The following GPR158 variants were observed in gnomAD, a reference collection of about 807,000 sequenced individuals.
GPR158 encodes the protein G protein-coupled receptor 158, also known as metabotropic glycine receptor.
In GPR158, 30 loss-of-function variants were observed where a neutral mutation model predicts 78.2. The observed-to-expected ratio is 0.38, with a 90% confidence interval of 0.29 to 0.52. GPR158 has a LOEUF of 0.52. Ranked by LOEUF, GPR158 falls within the 20% of genes least tolerant of loss-of-function variation. The pLI is 0.83. For synonymous variants in GPR158, 581 were observed against 591.1 expected, an observed-to-expected ratio of 0.98 and a Z score of 0.25; for missense variants, 1,463 against 1,523.5, an observed-to-expected ratio of 0.96 and a Z score of 0.66.
intron 2 of GPR158, among the ~76,000 whole-genome samples, chr10:25,318,024 A>C (rs999055482): frequency 6.6e-6 from 1 of 152,140 alleles, no homozygotes; most frequent in East Asian, 1.9e-4. Flanking sequence ...TGCCTGGCCC[A>C]TAAAGTACTT....
intron 2 of GPR158, among the ~76,000 whole-genome samples, chr10:25,274,077 T>G (rs551171377): frequency 1.6e-4 from 24 of 152,332 alleles, no homozygotes; most frequent in Admixed American, 8.5e-4. Flanking sequence ...GATTGTCCTT[T>G]TGCAATTGGG....
At chr10:25,579,497 A>C (rs896286298) in intron 7 of GPR158, among the ~76,000 whole-genome samples, 10 of 152,228 alleles carry the variant, frequency 6.6e-5, no homozygotes, top group African/African-American at 2.4e-4. Flanking sequence ...ATCCGTTGAC[A>C]TATGTAGTTG....
chr10:25,204,762 T>A (rs927570813), intron 1 of GPR158, among the ~76,000 whole-genome samples: 1 of 151,346 alleles, frequency 6.6e-6, no homozygotes, highest in Admixed American at 6.6e-5. Flanking sequence ...ATCCATTTTT[T>A]AAAAAATAAG....
intron 4 of GPR158, among the ~76,000 whole-genome samples, chr10:25,440,254 G>A (rs912870059): frequency 2.6e-5 from 4 of 152,190 alleles, no homozygotes; most frequent in Admixed American, 2.6e-4. Flanking sequence ...AGGGGCCTGG[G>A]CCACTGACTT....
At chr10:25,220,662 G>A (rs1853287470) in intron 1 of GPR158, among the ~76,000 whole-genome samples, 1 of 152,194 alleles carries the variant, frequency 6.6e-6, no homozygotes. Flanking sequence ...GAAGTAGAAA[G>A]AAATGAACTG....
chr10:25,570,018 A>T (rs1355182401), intron 6 of GPR158, among the ~76,000 whole-genome samples: 2 of 152,204 alleles, frequency 1.3e-5, no homozygotes, highest in Admixed American at 1.3e-4. Context: ...TTGCCAAACT[A>T]TGGAAGAAAA....
intron 2 of GPR158, among the ~76,000 whole-genome samples, chr10:25,223,916 A>G (rs990061044): frequency 5.9e-5 from 9 of 152,158 alleles, no homozygotes; most frequent in Non-Finnish European, 7.3e-5. Context: ...CACTGTAAAA[A>G]TTTTTCTAGC....
chr10:25,193,971 T>C (rs1451735769), intron 1 of GPR158, among the ~76,000 whole-genome samples: 2 of 151,348 alleles, frequency 1.3e-5, no homozygotes, highest in African/African-American at 4.9e-5. Context: ...GCCTGTAAAA[T>C]GAAATGTTTT....
At chr10:25,335,311 C>T (rs943561410) in intron 2 of GPR158, among the ~76,000 whole-genome samples, 5 of 152,058 alleles carry the variant, frequency 3.3e-5, no homozygotes, top group African/African-American at 1.2e-4. Context: ...TCATTACTCA[C>T]TAATAGCTTT....
chr10:25,388,388 G>A (rs559505869), intron 2 of GPR158, among the ~76,000 whole-genome samples: 142 of 152,290 alleles, frequency 9.3e-4, no homozygotes, highest in African/African-American at 2.8e-3. Flanking sequence ...TGGCCAGGCA[G>A]AACCTGTTCC....
At position 25,221,147 on chromosome 10, in the gene GPR158, A is replaced by G. The variant is rs749587141; in HGVS notation, c.998A>G (p.Asn333Ser). The G allele has an allele frequency of 2.7e-6, 4 of 1,503,840 alleles. No individual in the cohort carries two copies. In the East Asian group the frequency reaches 6.8e-5, roughly 25 times the overall value. 93.2% of individuals were successfully genotyped at this position (1,503,840 alleles called of 1,614,324 possible). The change falls in exon 2 of 11, where the codon AAC becomes AGC. Residue 333 changes from asparagine (N) to serine (S), a missense_variant. Transcript: ENST00000376351. Reference sequence around the variant, plus strand: ...TCAGGAACTCATAAATGCCACCTCAACAATTCAGAGGTAAGAAGATGAAAA... The same window carrying G: ...TCAGGAACTCATAAATGCCACCTCAGCAATTCAGAGGTAAGAAGATGAAAA... The part of the protein sequence containing the change: ...WFSGTHKCHL[N>S]NSECMPIKGL...
intron 4 of GPR158, among the ~76,000 whole-genome samples, chr10:25,457,804 T>C (rs1045286984): frequency 1.3e-5 from 2 of 152,256 alleles, no homozygotes; most frequent in Non-Finnish European, 2.9e-5. Context: ...TCTCTGCAAC[T>C]GCAGTGAGTC....
At chr10:25,574,146 CAAAAAAA>C (rs34285790) in intron 7 of GPR158, among the ~76,000 whole-genome samples, 9 of 62,308 alleles carry the variant, frequency 1.4e-4, no homozygotes, top group South Asian at 7.7e-4. Flanking sequence ...TTCTGTTTTA[CAAAAAAA>C]AAAAAAAAAA....
At chr10:25,205,017 A>G (rs1250075573) in intron 1 of GPR158, among the ~76,000 whole-genome samples, 1 of 152,018 alleles carries the variant, frequency 6.6e-6, no homozygotes, top group Non-Finnish European at 1.5e-5. Context: ...AATAAGTCTC[A>G]TGAGACCTGA....
intron 2 of GPR158, among the ~76,000 whole-genome samples, chr10:25,248,078 AT>A (rs1383939596): frequency 6.6e-6 from 1 of 151,876 alleles, no homozygotes. Flanking sequence ...GATGATGAGC[AT>A]TTTTTCATGT....
chr10:25,431,418 A>C (rs945363201), intron 4 of GPR158, among the ~76,000 whole-genome samples: 31 of 147,204 alleles, frequency 2.1e-4, no homozygotes, highest in African/African-American at 5.0e-4. Context: ...GTGGGACTGT[A>C]AACTAGTTCA....
At chr10:25,218,978 C>T (rs1274395983) in intron 1 of GPR158, among the ~76,000 whole-genome samples, 16 of 152,014 alleles carry the variant, frequency 1.1e-4, no homozygotes, top group Non-Finnish European at 1.5e-5. Context: ...CTTTCAAAAA[C>T]CAAGAACAAT....
chr10:25,596,078 A>G (rs1392510815), intron 9 of GPR158, among the ~76,000 whole-genome samples: 1 of 152,186 alleles, frequency 6.6e-6, no homozygotes, highest in Non-Finnish European at 1.5e-5. Flanking sequence ...AGTATTTTAG[A>G]TAGAGGTAAG....
At chr10:25,221,014 C>T (rs774619616) in intron 1 of GPR158, 38 bp from the exon 2 acceptor site, 1 of 1,051,514 alleles carries the variant, frequency 9.5e-7, no homozygotes, top group Non-Finnish European at 1.4e-6. Flanking sequence ...CATAAATGTC[C>T]AGATTAATTT....
Sources: gnomAD v4.1 joint callset for allele counts (sites outside exome capture counted in the v4.1 genomes callset) on GRCh38, gnomAD v4.1.1 for gene constraint, MANE v1.5 for transcripts, NCBI Gene and HGNC (gene_info 2026-07-23, HGNC 2026-07-21) for gene names.